The following CWF19L2 variants were observed in gnomAD, a reference collection of about 807,000 sequenced individuals.
CWF19L2 encodes CWF19-like protein 2.
CWF19L2 carries 98 observed loss-of-function variants against 111.7 expected under a neutral mutation model. The ratio of observed to expected loss-of-function variants is 0.88; its 90% CI spans 0.75 to 1.04. CWF19L2 has a LOEUF of 1.04. Ranked by LOEUF, CWF19L2 falls within the 50% of genes least tolerant of loss-of-function variation. The pLI is 0.00. For missense variants in CWF19L2, 1,101 were observed against 1,051.4 expected, an observed-to-expected ratio of 1.05 and a Z score of -0.65; for synonymous variants, 351 against 342.9, an observed-to-expected ratio of 1.02 and a Z score of -0.26.
chr11:107,408,345 G>C (rs749186780), intron 10 of CWF19L2, among the ~76,000 whole-genome samples: 1 of 151,970 alleles, frequency 6.6e-6, no homozygotes, highest in Non-Finnish European at 1.5e-5. Context: ...ACTGAGGCAG[G>C]AGGGAAAATA....
rs1419497736 is a variant in CWF19L2, at chr11:107,453,783, AG to A, written c.339+666del. Among the ~76,000 whole-genome samples, 14 of 151,970 alleles carry A rather than the reference AG, an allele frequency of 9.2e-5. No homozygotes were observed. In the East Asian group the frequency reaches 2.7e-3, roughly 30 times the overall value. The stretch of plus-strand genomic sequence containing the variant: ...AGCATTTCTGGATCTGCCCTGGCCC[AG>A]GGGGTGCCCACTGCCCTGAAGGGTG... On this transcript the variant is annotated intron_variant, in intron 3 of 17. Coordinates refer to ENST00000282251, the MANE Select transcript of CWF19L2 (RefSeq NM_152434.3).
Position 107,387,474 on chromosome 11 carries a change from C to A in CWF19L2, c.1872+2600G>T, listed in dbSNP as rs11826753. On this transcript the variant is annotated intron_variant, in intron 12 of 17. Transcript: ENST00000282251. ...AAACAAAACAAAACAAAACAAAAAA[C>A]AAAAAAAACCTTCAAATGGCTCCCC... is the stretch of plus-strand genomic sequence containing the variant. Among the ~76,000 whole-genome samples, 464 of 145,348 alleles carry A rather than the reference C, an allele frequency of 3.2e-3. 2 individuals carry two copies. Among genetic ancestry groups the A allele is most frequent in the African/African-American group, 0.01 (408 of 39,862 alleles).
intron 7 of CWF19L2, among the ~76,000 whole-genome samples, chr11:107,433,317 A>ATTTC (rs1458989905): frequency 6.6e-6 from 1 of 152,158 alleles, no homozygotes; most frequent in African/African-American, 2.4e-5. Flanking sequence ...TCTGGAATAT[A>ATTTC]AAAAATTTCA....
chr11:107,344,911 T>C (rs1860056264), intron 14 of CWF19L2, among the ~76,000 whole-genome samples: 1 of 152,132 alleles, frequency 6.6e-6, no homozygotes, highest in Non-Finnish European at 1.5e-5. Flanking sequence ...AAGTTCAGGT[T>C]CCCAACTCGG....
Position 107,429,005 on chromosome 11 carries a change from G to A in CWF19L2, c.1227C>T (p.Thr409=). The A allele has an allele frequency of 6.2e-7, 1 of 1,613,480 alleles. No homozygotes were observed. Among genetic ancestry groups the A allele is most frequent in the Non-Finnish European group, 8.5e-7 (1 of 1,179,728 alleles). ...GSLCSGFRKP[T]KNSEERLTSW... ...ATGTTAATCTTTCTTCACTGTTCTT[G>A]GTGGGTTTTCTAAAACCACTACACA... Residue 409 remains threonine (T), a synonymous_variant, in exon 8 of 18, where the codon ACC becomes ACT. Transcript: ENST00000282251.
chr11:107,339,547 T>C (rs951703774), intron 14 of CWF19L2, among the ~76,000 whole-genome samples: 2 of 152,218 alleles, frequency 1.3e-5, no homozygotes, highest in Admixed American at 6.5e-5. Context: ...TTTATCACTG[T>C]GATTTTAATT....
At chr11:107,397,415 C>A (rs902270056) in intron 10 of CWF19L2, among the ~76,000 whole-genome samples, 1 of 152,098 alleles carries the variant, frequency 6.6e-6, no homozygotes, top group Non-Finnish European at 1.5e-5. Context: ...CCCTGACAAC[C>A]TGCATGACTC....
intron 12 of CWF19L2, among the ~76,000 whole-genome samples, chr11:107,388,802 T>C (rs886634266): frequency 6.6e-6 from 1 of 152,238 alleles, no homozygotes; most frequent in Non-Finnish European, 1.5e-5. Flanking sequence ...GTACCACTTC[T>C]GAAAAGGAAA....
chr11:107,326,666 C>G lies in CWF19L2; in HGVS notation c.*244G>C. The G allele has an allele frequency of 2.9e-6, 1 of 349,956 alleles. No individual in the cohort carries two copies. The allele number at this position is 349,956 out of a possible 1,614,324, so 21.7% of individuals were successfully genotyped here. ...GGAATACCAAGAAGTAGGTAGAGAGCAGGAATGTGAGCAGATCATCGAATA... is the reference window on the plus strand; with the variant it reads ...GGAATACCAAGAAGTAGGTAGAGAGGAGGAATGTGAGCAGATCATCGAATA... On this transcript the variant is annotated 3_prime_UTR_variant, in exon 18 of 18. Coordinates refer to ENST00000282251, the MANE Select transcript of CWF19L2 (RefSeq NM_152434.3).
chr11:107,339,696 C>T (rs1197726228), intron 14 of CWF19L2, among the ~76,000 whole-genome samples: 3 of 137,376 alleles, frequency 2.2e-5, no homozygotes, highest in Non-Finnish European at 3.1e-5. Flanking sequence ...GATGGAGTCT[C>T]GCTCTGTCAC....
At chr11:107,420,873 G>A (rs1437765789) in intron 8 of CWF19L2, among the ~76,000 whole-genome samples, 2 of 152,046 alleles carry the variant, frequency 1.3e-5, no homozygotes, top group Non-Finnish European at 2.9e-5. Flanking sequence ...CAAAACCATG[G>A]ATAAAGGGGG....
At position 107,330,010 on chromosome 11, in the gene CWF19L2, C is replaced by A; in HGVS notation, c.2449G>T (p.Gly817Trp). ...SKDIRKSVPRGLPYFSVDFGL... is the reference protein window; with the variant it reads ...SKDIRKSVPRWLPYFSVDFGL... ...AAATCCACAGAGAAGTAAGGTAACC[C>A]TCTGGGTACCTAAATAAACAGACAA... Residue 817 changes from glycine to tryptophan, a missense_variant, in exon 17 of 18, where the codon GGG becomes TGG. By Grantham distance (184) the Gly-to-Trp change is radical (BLOSUM62 -2). Transcript: ENST00000282251. The A allele has an allele frequency of 6.4e-7, 1 of 1,559,818 alleles. No individual in the cohort carries two copies. The highest frequency in any genetic ancestry group is 2.3e-5 in the East Asian group (1 of 42,772).
chr11:107,405,973 A>C (rs976172130), intron 10 of CWF19L2, among the ~76,000 whole-genome samples: 9 of 152,198 alleles, frequency 5.9e-5, no homozygotes, highest in Non-Finnish European at 1.2e-4. Flanking sequence ...CTTAATTAAA[A>C]AATATAGAAG....
At chr11:107,367,671 C>A (rs1860449881) in intron 12 of CWF19L2, among the ~76,000 whole-genome samples, 1 of 77,914 alleles carries the variant, frequency 1.3e-5, no homozygotes. Context: ...ACTCTGGGGA[C>A]TGTTGTGGGG....
At chr11:107,408,702 T>A (rs1156723410) in intron 10 of CWF19L2, among the ~76,000 whole-genome samples, 2 of 151,966 alleles carry the variant, frequency 1.3e-5, no homozygotes, top group Non-Finnish European at 2.9e-5. Flanking sequence ...CTGAACTGTA[T>A]AGAAAATAGG....
chr11:107,342,521 C>T (rs57350425), intron 14 of CWF19L2, among the ~76,000 whole-genome samples: 2,670 of 152,110 alleles, frequency 0.018, 60 homozygotes, highest in African/African-American at 0.06. Flanking sequence ...TCAGAGAATG[C>T]ACTCTGTATG....
chr11:107,353,786 T>C (rs777072569), intron 12 of CWF19L2, 50 bp from the exon 13 acceptor site: 5 of 1,400,110 alleles, frequency 3.6e-6, no homozygotes, highest in Non-Finnish European at 5.1e-6. Flanking sequence ...GTGATTAAGA[T>C]TTTACTGCAC....
At chr11:107,410,467 T>C (rs1474480398) in intron 10 of CWF19L2, among the ~76,000 whole-genome samples, 5 of 152,146 alleles carry the variant, frequency 3.3e-5, no homozygotes, top group African/African-American at 9.7e-5. Flanking sequence ...GATGAAAATA[T>C]GCCTTTCTGG....
intron 17 of CWF19L2, among the ~76,000 whole-genome samples, chr11:107,328,617 C>T (rs931103417): frequency 6.6e-6 from 1 of 152,132 alleles, no homozygotes; most frequent in Non-Finnish European, 1.5e-5. Flanking sequence ...ATCATATAAA[C>T]CAGAATGCAT....
Sources: allele counts gnomAD v4.1 joint callset (sites outside exome capture counted in the v4.1 genomes callset), GRCh38; gene constraint gnomAD v4.1.1; transcripts MANE v1.5; gene names NCBI Gene and HGNC (gene_info 2026-07-23, HGNC 2026-07-21).